Variants in SORL1 observed in about 807,000 individuals in gnomAD.
SORL1 encodes sortilin-related receptor.
SORL1 carries 127 observed loss-of-function variants against 273.7 expected under a neutral mutation model. The observed-to-expected ratio is 0.46, with a 90% CI of 0.40 to 0.54. The LOEUF (loss-of-function observed/expected upper bound fraction) is 0.54. Among genes scored for constraint, SORL1 ranks in the 20% least tolerant of loss-of-function variants. The probability of loss-of-function intolerance (pLI) is 0.00; values close to 1 mark genes in which losing one functional copy is unlikely to be tolerated. For missense variants in SORL1, 2,494 were observed against 2,846.1 expected, an observed-to-expected ratio of 0.88 and a Z score of 2.81; for synonymous variants, 1,031 against 1,067.4, an observed-to-expected ratio of 0.97 and a Z score of 0.66.
chr11:121,627,621 T>C lies in SORL1; in HGVS notation c.6431T>C (p.Leu2144Ser), dbSNP rs767008189. 5.6e-6 allele frequency: 9 copies of C among 1,614,100 alleles called. No individual in the cohort carries two copies. The highest frequency in any genetic ancestry group is 3.3e-5 in the Admixed American group (2 of 60,016). The change falls in exon 47 of 48, where the codon TTA becomes TCA. Residue 2144 changes from leucine to serine, a missense_variant. By Grantham distance (145) the Leu-to-Ser change is moderately radical (BLOSUM62 -2). Transcript: ENST00000260197. This position sits in a 1 kb window ranked among gnomAD's most constrained non-coding sequence, Gnocchi z 4.9. ...TDVAAVVVPI[L>S]FLILLSLGVG... ...GTTGCTGCTGTGGTGGTGCCCATCT[T>C]ATTCCTGATACTGCTGAGCCTGGGG...
chr11:121,623,794 A>G (rs1863756897), intron 45 of SORL1, among the ~76,000 whole-genome samples: 1 of 152,218 alleles, frequency 6.6e-6, no homozygotes, highest in African/African-American at 2.4e-5. Context: ...AGGGTCTGGC[A>G]TAGGCATAGC....
chr11:121,541,695 A>G (rs1862352398), intron 12 of SORL1, among the ~76,000 whole-genome samples: 1 of 152,236 alleles, frequency 6.6e-6, no homozygotes, highest in Non-Finnish European at 1.5e-5. Context: ...CTGTGATTCT[A>G]AAGAAGGCTT....
At position 121,619,859 on chromosome 11, in the gene SORL1, G is replaced by T. The variant is rs754436004; in HGVS notation, c.5831G>T (p.Gly1944Val). Residue 1944 changes from glycine to valine, a missense_variant, in exon 43 of 48, where the codon GGC (glycine) becomes GTC (valine). Gly to Val is a moderately radical substitution (Grantham distance 109). This residue lies in a region of SORL1 where 1,609 missense variants were observed against 1,816.4 expected (regional missense o/e 0.89). Transcript: ENST00000260197. ...CGTCACCTGCATGTGGTTCATACGG[G>T]CAAAACCTCCGTGGTCATCAAGTGG... ...PPRHLHVVHT[G>V]KTSVVIKWES... is the part of the protein sequence containing the mutation. The T allele has an allele frequency of 1.2e-6, 2 of 1,614,116 alleles. No individual in the cohort carries two copies. The highest frequency in any genetic ancestry group is 1.7e-6 in the Non-Finnish European group (2 of 1,179,976).
intron 11 of SORL1, among the ~76,000 whole-genome samples, chr11:121,531,452 T>C (rs1362341533): frequency 6.6e-6 from 1 of 152,220 alleles, no homozygotes; most frequent in Non-Finnish European, 1.5e-5. Context: ...TTGGCACCTT[T>C]TGACTATCTT....
intron 28 of SORL1, among the ~76,000 whole-genome samples, 176 bp from the exon 29 acceptor site, chr11:121,589,083 A>C (rs1489338314): frequency 2.0e-5 from 3 of 152,252 alleles, no homozygotes; most frequent in African/African-American, 7.2e-5. Context: ...TGGATTAATT[A>C]ACAAAGTGTG....
chr11:121,570,001 C>G (rs564374195), intron 22 of SORL1, among the ~76,000 whole-genome samples, 156 bp from the exon 23 acceptor site: 23 of 152,236 alleles, frequency 1.5e-4, no homozygotes, highest in African/African-American at 5.1e-4. Flanking sequence ...AGAAAAGAAC[C>G]TATGTGAAAT....
chr11:121,543,200 G>GA lies in SORL1; in HGVS notation c.1686-337dup, dbSNP rs369944599. ...AGTGAGACTCCATCTCAAAAAAAAA[G>GA]AAAAAAAAAAAGAAAAAAATTTCTC... On this transcript the variant is annotated intron_variant, in intron 12 of 47. Coordinates refer to ENST00000260197, the MANE Select transcript of SORL1 (RefSeq NM_003105.6). Among the ~76,000 whole-genome samples the GA allele has an allele frequency of 2.5e-3, 330 of 134,518 alleles. 3 individuals carry two copies. The highest frequency in any genetic ancestry group is 8.0e-3 in the African/African-American group (285 of 35,680). 88.2% of individuals were successfully genotyped at this position (134,518 alleles called of 152,430 possible).
intron 41 of SORL1, among the ~76,000 whole-genome samples, chr11:121,617,045 C>G (rs1863653278): frequency 6.6e-6 from 1 of 152,166 alleles, no homozygotes; most frequent in South Asian, 2.1e-4. Flanking sequence ...GTCTAAAGAC[C>G]TGAGATTGAC....
intron 12 of SORL1, among the ~76,000 whole-genome samples, chr11:121,532,789 G>A (rs1862220859): frequency 6.6e-6 from 1 of 151,702 alleles, no homozygotes. Context: ...GGGTTGAAGC[G>A]ATTCTCCTGC....
intron 32 of SORL1, among the ~76,000 whole-genome samples, chr11:121,599,184 A>G (rs898727282): frequency 3.9e-5 from 6 of 152,242 alleles, no homozygotes; most frequent in Non-Finnish European, 8.8e-5. Context: ...CAAAAAGATT[A>G]AGATAATTTG....
intron 19 of SORL1, 68 bp from the exon 20 acceptor site, chr11:121,558,523 G>A (rs1032232870): frequency 4.5e-6 from 7 of 1,562,722 alleles, no homozygotes; most frequent in Non-Finnish European, 6.1e-6. Context: ...GACCTTTTCT[G>A]GAGTAGTATT....
chr11:121,618,741 C>T (rs1412915880), intron 41 of SORL1, 33 bp from the exon 42 acceptor site: 2 of 1,613,356 alleles, frequency 1.2e-6, no homozygotes, highest in Middle Eastern at 1.6e-4. Flanking sequence ...GGCCCATGAG[C>T]TGATGTCCTC....
intron 27 of SORL1, among the ~76,000 whole-genome samples, chr11:121,586,633 G>A (rs562155455): frequency 2.8e-4 from 34 of 122,788 alleles, no homozygotes; most frequent in Admixed American, 1.2e-3. Context: ...GTTTTGAATC[G>A]GCCACTTATT....
At chr11:121,529,437 G>T (rs1345522842) in intron 11 of SORL1, among the ~76,000 whole-genome samples, 1 of 152,130 alleles carries the variant, frequency 6.6e-6, no homozygotes, top group African/African-American at 2.4e-5. Flanking sequence ...GGTTGGTCTT[G>T]AACTCCTGAC....
At chr11:121,512,910 T>A in intron 6 of SORL1, 93 bp from the exon 7 acceptor site, 1 of 844,730 alleles carries the variant, frequency 1.2e-6, no homozygotes, top group South Asian at 1.5e-5. Context: ...CCAGTAGAAC[T>A]GGAAGAATCT....
intron 37 of SORL1, 144 bp from the exon 38 acceptor site, chr11:121,607,960 T>G: frequency 1.6e-6 from 1 of 621,490 alleles, no homozygotes; most frequent in Non-Finnish European, 2.7e-6. Flanking sequence ...TGCTGGGGCC[T>G]CTGAATATTC....
chr11:121,532,822 T>TA (rs536915120), intron 12 of SORL1, among the ~76,000 whole-genome samples: 3 of 152,126 alleles, frequency 2.0e-5, no homozygotes, highest in South Asian at 4.2e-4. Context: ...AGTCTGGGAT[T>TA]ACAGGCACCT....
At chr11:121,483,185 AG>A (rs1334603087) in intron 3 of SORL1, among the ~76,000 whole-genome samples, 1 of 152,234 alleles carries the variant, frequency 6.6e-6, no homozygotes, top group Non-Finnish European at 1.5e-5. Flanking sequence ...TCCTGGGCTC[AG>A]GTATTCCTTC....
At chr11:121,531,548 G>GA (rs1378588107) in intron 11 of SORL1, among the ~76,000 whole-genome samples, 1 of 152,174 alleles carries the variant, frequency 6.6e-6, no homozygotes, top group Non-Finnish European at 1.5e-5. Flanking sequence ...ACATATGAAT[G>GA]AAATTCATGA....
Sources: allele counts gnomAD v4.1 joint callset (sites outside exome capture counted in the v4.1 genomes callset), GRCh38; gene constraint gnomAD v4.1.1; regional missense constraint gnomAD v4.1.1; non-coding constraint Gnocchi (gnomAD v3.1); transcripts MANE v1.5; gene names NCBI Gene and HGNC (gene_info 2026-07-23, HGNC 2026-07-21).